Variants in TTC23 observed in about 807,000 individuals in gnomAD.
TTC23 encodes tetratricopeptide repeat protein 23.
A neutral mutation model predicts 55.1 loss-of-function variants in TTC23; 58 were observed. The ratio of observed to expected loss-of-function variants is 1.05; its 90% CI spans 0.85 to 1.31. The LOEUF (loss-of-function observed/expected upper bound fraction) is 1.31. Among genes scored for constraint, TTC23 ranks in the 50% most tolerant of loss-of-function variants. The pLI is 0.00. For synonymous variants in TTC23, 203 were observed against 199.9 expected (o/e 1.02, Z -0.13); for missense variants, 516 against 534.4 (o/e 0.97, Z 0.34).
intron 9 of TTC23, among the ~76,000 whole-genome samples, chr15:99,177,883 C>G (rs953029817): frequency 1.3e-5 from 2 of 152,030 alleles, no homozygotes; most frequent in African/African-American, 4.8e-5. Flanking sequence ...CACACAATAT[C>G]AAGAAAGTGA....
intron 9 of TTC23, among the ~76,000 whole-genome samples, chr15:99,183,497 ATTTTTTTTTTTTT>A (rs56660145): frequency 9.9e-6 from 1 of 100,858 alleles, no homozygotes; most frequent in Non-Finnish European, 2.0e-5. Flanking sequence ...GATTTTTTGT[ATTTTTTTTTTTTT>A]TTTTTTTTTT....
intron 9 of TTC23, among the ~76,000 whole-genome samples, chr15:99,199,096 G>A (rs1174392299): frequency 6.6e-6 from 1 of 152,182 alleles, no homozygotes; most frequent in Admixed American, 6.5e-5. Flanking sequence ...ACAATCAACT[G>A]ATTTTAAAGG....
At chr15:99,203,599 T>C (rs957990668) in intron 8 of TTC23, among the ~76,000 whole-genome samples, 5 of 152,110 alleles carry the variant, frequency 3.3e-5, no homozygotes, top group Admixed American at 3.3e-4. Context: ...TTATACCCAA[T>C]AGTTTTCCCC....
intron 1 of TTC23, chr15:99,248,252 T>C (rs987697769): frequency 7.2e-5 from 11 of 152,214 alleles, no homozygotes; most frequent in African/African-American, 2.7e-4. Flanking sequence ...GGTCTAGCCA[T>C]CTTAAATTCC....
rs374470211 is a variant in TTC23 at position 99,200,004 on chromosome 15, C to T, written c.674G>A (p.Arg225His). ...TTCTCTCAATATGGGTACACACTCA[C>T]GACTTGTTTCACCTTTACTGATCTC... ...YVEISKGETS[R>H]ECVPILRELA... is the part of the protein sequence containing the mutation. Residue 225 changes from arginine to histidine, a missense_variant, in exon 9 of 14, where the codon CGT becomes CAT. Arg to His is a conservative substitution (Grantham distance 29). Transcript: ENST00000394132. 73 of 1,613,934 alleles carry T rather than the reference C, an allele frequency of 4.5e-5. No homozygotes were observed. Among genetic ancestry groups the T allele is most frequent in the South Asian group, 1.8e-4 (16 of 91,074 alleles).
At chr15:99,241,312 TCAAACAAACAAA>T (rs369628187) in intron 3 of TTC23, 41 bp downstream of exon 3, 4 of 152,996 alleles carry the variant, frequency 2.6e-5, no homozygotes, top group African/African-American at 4.8e-5. Context: ...CGAAACTGTC[TCAAACAAACAAA>T]CAAACAAACA....
At chr15:99,217,928 G>A (rs190961390) in intron 8 of TTC23, among the ~76,000 whole-genome samples, 151 of 152,314 alleles carry the variant, frequency 9.9e-4, no homozygotes, top group African/African-American at 3.5e-3. Context: ...GGGCAGCCAT[G>A]TAGGTCAACT....
intron 10 of TTC23, among the ~76,000 whole-genome samples, chr15:99,174,135 G>T (rs1464487141): frequency 6.6e-6 from 1 of 152,160 alleles, no homozygotes; most frequent in Admixed American, 6.5e-5. Context: ...CAGAATGAGA[G>T]ATCTGCAAGG....
chr15:99,177,004 G>A (rs1302494985), intron 9 of TTC23, among the ~76,000 whole-genome samples: 1 of 152,168 alleles, frequency 6.6e-6, no homozygotes, highest in East Asian at 1.9e-4. Flanking sequence ...ATGGCAGCTG[G>A]CACAGGAGAT....
At chr15:99,226,818 G>A (rs779920159) in intron 5 of TTC23, among the ~76,000 whole-genome samples, 6 of 152,102 alleles carry the variant, frequency 3.9e-5, no homozygotes, top group Non-Finnish European at 7.4e-5. Context: ...TACCCAAGAC[G>A]GAGCCACTCT....
intron 11 of TTC23, chr15:99,159,409 C>T (rs2071051425): frequency 6.6e-6 from 1 of 152,176 alleles, no homozygotes; most frequent in Non-Finnish European, 1.5e-5. Context: ...TATATACTTA[C>T]AAATATTTGA....
At chr15:99,240,300 T>C (rs1288991519) in intron 3 of TTC23, among the ~76,000 whole-genome samples, 2 of 152,202 alleles carry the variant, frequency 1.3e-5, no homozygotes, top group African/African-American at 2.4e-5. Context: ...TTGTAAAAAC[T>C]GGTTTGTCTC....
chr15:99,193,015 G>C (rs2075371186), intron 9 of TTC23, among the ~76,000 whole-genome samples: 1 of 152,206 alleles, frequency 6.6e-6, no homozygotes, highest in African/African-American at 2.4e-5. Flanking sequence ...CTTGCATAGG[G>C]TTTGTAGCCC....
At chr15:99,178,893 AAAG>A (rs1187313778) in intron 9 of TTC23, among the ~76,000 whole-genome samples, 3 of 152,180 alleles carry the variant, frequency 2.0e-5, no homozygotes, top group African/African-American at 4.8e-5. Flanking sequence ...CTATAACCAG[AAAG>A]AAGAATTGTA....
In TTC23 at chr15:99,246,042, T is replaced by A. The variant is rs867704445; in HGVS notation, c.-430-532A>T. Among the ~76,000 whole-genome samples the A allele has an allele frequency of 2.6e-5, 4 of 152,146 alleles. No individual in the cohort carries two copies. The South Asian group carries it at 8.3e-4, about 32-fold the overall frequency. Reference sequence around the variant, plus strand: ...CCAGGCTGTTCTCGAGCTCCTGACCTGAGGTGATCCACCCGACTTGGCCTC... The same window carrying A: ...CCAGGCTGTTCTCGAGCTCCTGACCAGAGGTGATCCACCCGACTTGGCCTC... On this transcript the variant is annotated intron_variant, in intron 1 of 13. Transcript: ENST00000394132.
rs191489392 is a variant in TTC23 at position 99,240,776 on chromosome 15, C to T, written c.-114+589G>A. Among the ~76,000 whole-genome samples, 228 of 152,288 alleles carry T rather than the reference C, an allele frequency of 1.5e-3. 1 individual carries two copies. The highest frequency in any genetic ancestry group is 7.2e-4 in the Non-Finnish European group (49 of 68,020). ...CAACACCACTCATTTTCTGTTATTT[C>T]GTCTAATCTAAAGCACCACTGACTA... On this transcript the variant is annotated intron_variant, in intron 3 of 13. Coordinates refer to ENST00000394132, the MANE Select transcript of TTC23 (RefSeq NM_001288615.3).
intron 4 of TTC23, among the ~76,000 whole-genome samples, chr15:99,234,299 A>G (rs1430849164): frequency 6.6e-6 from 1 of 152,224 alleles, no homozygotes; most frequent in East Asian, 1.9e-4. Context: ...TTACTGGTAT[A>G]AAGAACTCTC....
At chr15:99,158,410 A>C (rs2070905415) in intron 11 of TTC23, 1 of 152,180 alleles carries the variant, frequency 6.6e-6, no homozygotes, top group African/African-American at 2.4e-5. Context: ...GGAAACGGGG[A>C]GATGTGAAGG....
At chr15:99,166,224 C>T (rs1261415318) in intron 10 of TTC23, among the ~76,000 whole-genome samples, 4 of 152,180 alleles carry the variant, frequency 2.6e-5, no homozygotes, top group African/African-American at 7.2e-5. Context: ...TGGACACAGC[C>T]GCACCTCACA....
Sources: gnomAD v4.1 joint callset for allele counts (sites outside exome capture counted in the v4.1 genomes callset) on GRCh38, gnomAD v4.1.1 for gene constraint, MANE v1.5 for transcripts, NCBI Gene and HGNC (gene_info 2026-07-23, HGNC 2026-07-21) for gene names.